OSBPL9: variants seen among roughly 807,000 people sequenced by gnomAD.
The protein encoded by OSBPL9 is oxysterol binding protein like 9, also known as oxysterol-binding protein-related protein 9.
In OSBPL9, 40 loss-of-function variants were observed where a neutral mutation model predicts 106.6. The ratio of observed to expected loss-of-function variants is 0.38; its 90% CI spans 0.29 to 0.49. The LOEUF is 0.49. Among genes scored for constraint, OSBPL9 ranks in the 20% least tolerant of loss-of-function variants. OSBPL9 has a pLI of 0.97. For missense variants in OSBPL9, 609 were observed against 887.2 expected (o/e 0.69, Z 3.98); for synonymous variants, 269 against 295.4 (o/e 0.91, Z 0.92).
chr1:51,673,327 A>G (rs189682582), intron 3 of OSBPL9, among the ~76,000 whole-genome samples: 121 of 152,352 alleles, frequency 7.9e-4, no homozygotes, highest in Middle Eastern at 6.8e-3. Flanking sequence ...TTAAGATAGG[A>G]GTGGAGACAG....
chr1:51,582,039 G>A (rs1047337436), intron 1 of OSBPL9, among the ~76,000 whole-genome samples: 4 of 152,126 alleles, frequency 2.6e-5, no homozygotes, highest in African/African-American at 9.7e-5. Context: ...CATGATATGG[G>A]CTCTGGTGTC....
At position 51,663,123 on chromosome 1, in the gene OSBPL9, CA is replaced by C. The variant is rs564531243; in HGVS notation, c.163-6306del. Among the ~76,000 whole-genome samples the C allele has an allele frequency of 7.4e-4, 112 of 152,076 alleles. 1 individual carries two copies. Among genetic ancestry groups the C allele is most frequent in the African/African-American group, 2.6e-3 (108 of 41,478 alleles). On this transcript the variant is annotated intron_variant, in intron 2 of 23. Coordinates refer to ENST00000428468, the MANE Select transcript of OSBPL9 (RefSeq NM_024586.6). ...AAATGGAGAACATTTATAATAGCAT[CA>C]AAAAGCATCAAATTTTTAGGAATAA...
At chr1:51,590,916 ATT>A (rs1293562526) in intron 1 of OSBPL9, among the ~76,000 whole-genome samples, 24 of 131,584 alleles carry the variant, frequency 1.8e-4, no homozygotes, top group African/African-American at 2.2e-4. Flanking sequence ...TGCCTGGCTA[ATT>A]TTTTTTTTTT....
chr1:51,605,282 T>G (rs1643937481), intron 2 of OSBPL9, among the ~76,000 whole-genome samples: 1 of 152,118 alleles, frequency 6.6e-6, no homozygotes, highest in Non-Finnish European at 1.5e-5. Flanking sequence ...GATTTCTAAC[T>G]AGCTGGAGAG....
At chr1:51,700,811 A>T (rs1156297273) in intron 3 of OSBPL9, among the ~76,000 whole-genome samples, 1 of 152,024 alleles carries the variant, frequency 6.6e-6, no homozygotes, top group Non-Finnish European at 1.5e-5. Flanking sequence ...ATCTATGCCA[A>T]TTTCCTGTTT....
chr1:51,544,615 T>G, the OSBPL9 span, among the ~76,000 whole-genome samples: 67 of 150,046 alleles, frequency 4.5e-4, 1 homozygote, highest in South Asian at 5.2e-3. Context: ...GCTACCACCA[T>G]AAGGAAAAAA....
intron 1 of OSBPL9, among the ~76,000 whole-genome samples, chr1:51,643,040 G>GT (rs1645907469): frequency 6.6e-6 from 1 of 152,204 alleles, no homozygotes; most frequent in Non-Finnish European, 1.5e-5. Flanking sequence ...GAAGAGCATA[G>GT]TGTCTTCTTG....
rs201533208 is a variant in OSBPL9 at position 51,772,156 on chromosome 1, C to T, written c.1025C>T (p.Ser342Phe). 89 of 1,613,498 alleles carry T rather than the reference C, an allele frequency of 5.5e-5. No homozygotes were observed. The highest frequency in any genetic ancestry group is 5.3e-4 in the East Asian group (24 of 44,872). The change falls in exon 13 of 24, where the codon TCC becomes TTC. Residue 342 changes from serine to phenylalanine, a missense_variant. Coordinates refer to ENST00000428468, the MANE Select transcript of OSBPL9 (RefSeq NM_024586.6). Reference protein sequence around the residue: ...RPDTTESLNSSLSNGTSDADL... With the variant: ...RPDTTESLNSFLSNGTSDADL... ...GATACCACAGAATCACTTAATTCTT[C>T]CTTGTCCAATGGAACAAGTGATGCT...
At chr1:51,654,980 C>T (rs1334489156) in intron 2 of OSBPL9, among the ~76,000 whole-genome samples, 1 of 152,056 alleles carries the variant, frequency 6.6e-6, no homozygotes, top group Non-Finnish European at 1.5e-5. Context: ...TGAAAAAGCT[C>T]TGGAGATGGA....
chr1:51,668,506 C>T (rs191397359), intron 2 of OSBPL9, among the ~76,000 whole-genome samples: 59 of 152,230 alleles, frequency 3.9e-4, no homozygotes, highest in South Asian at 1.0e-3. Flanking sequence ...CTTGTAATCC[C>T]AGCTACTTGG....
intron 12 of OSBPL9, among the ~76,000 whole-genome samples, chr1:51,771,418 C>T (rs1216412987): frequency 6.6e-6 from 1 of 151,988 alleles, no homozygotes; most frequent in Non-Finnish European, 1.5e-5. Context: ...TCACTTGAGG[C>T]CAGGAGTTCG....
intron 1 of OSBPL9, among the ~76,000 whole-genome samples, chr1:51,584,662 G>A (rs927031344): frequency 2.0e-5 from 3 of 152,184 alleles, no homozygotes; most frequent in African/African-American, 7.2e-5. Context: ...GTTGCAGTGA[G>A]CCGAGATCGC....
chr1:51,559,299 G>A, the OSBPL9 span, among the ~76,000 whole-genome samples: 1 of 151,864 alleles, frequency 6.6e-6, no homozygotes, highest in African/African-American at 2.4e-5. Context: ...GGGGGTGGGG[G>A]TTGCGGGGGA....
intron 17 of OSBPL9, 137 bp downstream of exon 17, chr1:51,782,780 C>G: frequency 1.5e-6 from 1 of 668,750 alleles, no homozygotes; most frequent in Non-Finnish European, 2.4e-6. Context: ...AGTGGAAACT[C>G]AAGTTGATTT....
intron 13 of OSBPL9, 76 bp from the exon 14 acceptor site, chr1:51,772,529 A>G: frequency 8.3e-7 from 1 of 1,205,940 alleles, no homozygotes; most frequent in Non-Finnish European, 1.2e-6. Context: ...CAAACAAACA[A>G]ACAAAATTGT....
chr1:51,549,586 G>A, the OSBPL9 span, among the ~76,000 whole-genome samples: 3 of 152,186 alleles, frequency 2.0e-5, no homozygotes, highest in African/African-American at 4.8e-5. Context: ...AATCCCAGCA[G>A]TTTGGGAGGC....
the OSBPL9 span, among the ~76,000 whole-genome samples, chr1:51,539,370 A>G: frequency 6.6e-6 from 1 of 151,988 alleles, no homozygotes. Context: ...TACCTCCAAA[A>G]TTATGTGAAA....
intron 3 of OSBPL9, among the ~76,000 whole-genome samples, chr1:51,676,845 T>C (rs1651369066): frequency 2.0e-5 from 3 of 152,334 alleles, no homozygotes; most frequent in East Asian, 3.9e-4. Flanking sequence ...ATGTTCTACA[T>C]GTTCCATTAC....
chr1:51,771,070 G>T (rs1257253393), intron 12 of OSBPL9, among the ~76,000 whole-genome samples: 2 of 152,108 alleles, frequency 1.3e-5, no homozygotes, highest in Non-Finnish European at 2.9e-5. Flanking sequence ...GACAGGGAAT[G>T]TATGCATGCT....
Sources: gnomAD v4.1 joint callset for allele counts (sites outside exome capture counted in the v4.1 genomes callset) on GRCh38, gnomAD v4.1.1 for gene constraint, MANE v1.5 for transcripts, NCBI Gene and HGNC (gene_info 2026-07-23, HGNC 2026-07-21) for gene names.